Variants in DEAF1 observed in about 807,000 individuals in gnomAD.
The protein encoded by DEAF1 is DEAF1 transcription factor.
In DEAF1, 53 loss-of-function variants were observed where a neutral mutation model predicts 58.9. The ratio of observed to expected loss-of-function variants is 0.90; its 90% confidence interval spans 0.72 to 1.13. DEAF1 has a LOEUF of 1.13. Among genes scored for constraint, DEAF1 ranks in the 50% most tolerant of loss-of-function variants. The pLI, the probability that DEAF1 is intolerant of heterozygous loss-of-function variation, is 0.00. For synonymous variants in DEAF1, 385 were observed against 340.4 expected, an observed-to-expected ratio of 1.13 and a Z score of -1.44; for missense variants, 685 against 791.4, an observed-to-expected ratio of 0.87 and a Z score of 1.61.
chr11:654,133 C>T, intron 10 of DEAF1, 82 bp from the exon 11 acceptor site: 1 of 1,097,472 alleles, frequency 9.1e-7, no homozygotes, highest in Non-Finnish European at 1.4e-6. Flanking sequence ...CAGGTGCAGG[C>T]AGGAGGCCCC....
chr11:695,025 G>A lies in DEAF1; in HGVS notation c.23C>T (p.Ala8Val), dbSNP rs1189593669. ...CGCCTCAGCCAGGCCCAGCTGCTTTGCCGCCGAGTCCGAGTCCTCCATCCG... is the reference window on the plus strand; with the variant it reads ...CGCCTCAGCCAGGCCCAGCTGCTTTACCGCCGAGTCCGAGTCCTCCATCCG... Reference protein sequence around the residue: MEDSDSAAKQLGLAEAAA... With the variant: MEDSDSAVKQLGLAEAAA... The change falls in exon 1 of 12, where the codon GCA becomes GTA. Residue 8 changes from alanine (A) to valine (V), a missense_variant. Coordinates refer to ENST00000382409, the MANE Select transcript of DEAF1 (RefSeq NM_021008.4). 5 of 1,391,118 alleles carry A rather than the reference G, an allele frequency of 3.6e-6. No individual in the cohort carries two copies. Among genetic ancestry groups the A allele is most frequent in the Non-Finnish European group, 3.7e-6 (4 of 1,067,868 alleles). The allele number at this position is 1,391,118 out of a possible 1,614,324, so 86.2% of individuals were successfully genotyped here.
chr11:653,285 A>G (rs1361579071), intron 11 of DEAF1, among the ~76,000 whole-genome samples: 1 of 142,992 alleles, frequency 7.0e-6, no homozygotes, highest in Non-Finnish European at 1.5e-5. Flanking sequence ...GGAGGGCTCA[A>G]TAATAGAGGA....
intron 7 of DEAF1, 58 bp downstream of exon 7, chr11:680,905 A>AG: frequency 6.2e-7 from 1 of 1,612,822 alleles, no homozygotes. Context: ...TGGTGACGAG[A>AG]GAAGGCAATG....
chr11:686,436 G>A (rs930123205), intron 5 of DEAF1, among the ~76,000 whole-genome samples: 1 of 152,144 alleles, frequency 6.6e-6, no homozygotes, highest in African/African-American at 2.4e-5. Flanking sequence ...CAACACCCAA[G>A]GAGCTAAACT....
At chr11:680,075 C>G (rs752998093) in intron 7 of DEAF1, 10 of 546,468 alleles carry the variant, frequency 1.8e-5, no homozygotes, top group African/African-American at 3.8e-5. Context: ...TGGAAATGTG[C>G]TGCCCAGCCA....
intron 6 of DEAF1, among the ~76,000 whole-genome samples, chr11:682,322 T>C (rs184074967): frequency 7.2e-5 from 11 of 152,288 alleles, no homozygotes; most frequent in African/African-American, 2.6e-4. Flanking sequence ...TACTGAGAGG[T>C]TCGATCTTGA....
chr11:700,071 C>T, upstream of DEAF1: 1 of 1,283,802 alleles, frequency 7.8e-7, no homozygotes. Context: ...CAGAACCAGC[C>T]CCTCTTGTTC....
chr11:689,200 TTC>T (rs1168522302), intron 2 of DEAF1, among the ~76,000 whole-genome samples: 8 of 136,274 alleles, frequency 5.9e-5, no homozygotes, highest in Non-Finnish European at 1.2e-4. Flanking sequence ...TTTTTTCTTT[TTC>T]TTTTTTTTTT....
intron 1 of DEAF1, chr11:704,036 G>A: frequency 8.4e-7 from 1 of 1,188,342 alleles, no homozygotes; most frequent in Non-Finnish European, 1.0e-6. Context: ...ATTCTATTGT[G>A]TGTTTTCTAT....
intron 1 of DEAF1, among the ~76,000 whole-genome samples, chr11:692,799 G>A (rs894159083): frequency 1.3e-5 from 2 of 151,812 alleles, no homozygotes; most frequent in African/African-American, 4.8e-5. Flanking sequence ...GTTGCGGTGA[G>A]CTGAGATCAC....
intron 1 of DEAF1, among the ~76,000 whole-genome samples, chr11:692,510 T>C (rs1234468674): frequency 2.6e-5 from 4 of 152,206 alleles, no homozygotes; most frequent in Admixed American, 2.6e-4. Context: ...ACTGGTTGAA[T>C]GAGTCCTGAC....
intron 11 of DEAF1, among the ~76,000 whole-genome samples, chr11:650,016 T>C (rs1314407414): frequency 1.3e-5 from 2 of 149,498 alleles, no homozygotes; most frequent in East Asian, 2.0e-4. Flanking sequence ...CAGAGTGAGA[T>C]TGTCTAAAAA....
intron 11 of DEAF1, among the ~76,000 whole-genome samples, chr11:647,021 T>C (rs181649879): frequency 6.6e-6 from 1 of 151,576 alleles, no homozygotes; most frequent in Non-Finnish European, 1.5e-5. Context: ...TAGCTGGGTG[T>C]GGTGGCTCAT....
At chr11:667,306 G>A (rs1859584126) in intron 10 of DEAF1, among the ~76,000 whole-genome samples, 1 of 144,646 alleles carries the variant, frequency 6.9e-6, no homozygotes, top group Non-Finnish European at 1.5e-5. Context: ...GTGACAGACA[G>A]TGACCCTGTC....
rs531897390 is a variant in DEAF1 at position 668,082 on chromosome 11, A to G, written c.1503+6454T>C. The stretch of plus-strand genomic sequence containing the variant: ...AGCGGAGATTGTGCCACTGCACTCC[A>G]GCCTGGAAAACAAGAGCGAGACTCT... On this transcript the variant is annotated intron_variant, in intron 10 of 11. Transcript: ENST00000382409. Among the ~76,000 whole-genome samples the G allele has an allele frequency of 8.8e-4, 134 of 152,350 alleles. 1 individual carries two copies. The highest frequency in any genetic ancestry group is 2.8e-3 in the Admixed American group (43 of 15,290).
chr11:666,638 G>C (rs1564933826), intron 10 of DEAF1: 1 of 152,354 alleles, frequency 6.6e-6, no homozygotes, highest in East Asian at 1.9e-4. Context: ...CCGGGAGGCA[G>C]AGGTTGCAGT....
chr11:658,011 C>A (rs1056159130), intron 10 of DEAF1, among the ~76,000 whole-genome samples: 1 of 152,216 alleles, frequency 6.6e-6, no homozygotes, highest in Non-Finnish European at 1.5e-5. Context: ...CTACAACAGC[C>A]ATGCCCTGTG....
intron 1 of DEAF1, among the ~76,000 whole-genome samples, chr11:693,036 A>G (rs1190326957): frequency 6.6e-6 from 1 of 152,208 alleles, no homozygotes; most frequent in African/African-American, 2.4e-5. Context: ...CTCAGGCGGC[A>G]GCGTGTCCTG....
At chr11:654,135 G>A in intron 10 of DEAF1, 84 bp from the exon 11 acceptor site, 2 of 1,117,372 alleles carry the variant, frequency 1.8e-6, no homozygotes, top group Non-Finnish European at 2.6e-6. Flanking sequence ...GGTGCAGGCA[G>A]GAGGCCCCAA....
Sources: gnomAD v4.1 joint callset for allele counts (sites outside exome capture counted in the v4.1 genomes callset) on GRCh38, gnomAD v4.1.1 for gene constraint, MANE v1.5 for transcripts, NCBI Gene and HGNC (gene_info 2026-07-23, HGNC 2026-07-21) for gene names.